DMD: variants seen among roughly 807,000 people sequenced by gnomAD.
The protein encoded by DMD is dystrophin.
In DMD, 63 loss-of-function variants were observed where a neutral mutation model predicts 330.1. That is an observed-to-expected ratio of 0.19 (90% CI 0.16 to 0.24). The LOEUF (loss-of-function observed/expected upper bound fraction) is 0.24. Among genes scored for constraint, DMD ranks in the 10% least tolerant of loss-of-function variants. DMD has a pLI of 1.00. For missense variants in DMD, 3,344 were observed against 2,684.1 expected, an observed-to-expected ratio of 1.25 and a Z score of -5.43; for synonymous variants, 1,223 against 959.8, an observed-to-expected ratio of 1.27 and a Z score of -5.07.
At chrX:31,784,577 T>C (rs974660540) in intron 50 of DMD, among the ~76,000 whole-genome samples, 1 of 112,230 alleles carries the variant, frequency 8.9e-6, no homozygotes, top group Non-Finnish European at 1.9e-5. Flanking sequence ...TTGTAATTTT[T>C]GGACTTTACA....
intron 1 of DMD, among the ~76,000 whole-genome samples, chrX:33,111,493 TA>T (rs2095338987): frequency 8.9e-6 from 1 of 112,513 alleles, no homozygotes; most frequent in Non-Finnish European, 1.9e-5. Flanking sequence ...TTCAGTGTTT[TA>T]TTTTTAGCAT....
At position 32,693,971 on chromosome X, in the gene DMD, A is replaced by G. The variant is rs555874693; in HGVS notation, c.960+3899T>C. ...TAGTAATTCCACTGTAGTAACTGCT[A>G]TATATTAGGATTTCCCAGACATCGT... On this transcript the variant is annotated intron_variant, in intron 9 of 78. Transcript: ENST00000357033. Among the ~76,000 whole-genome samples the G allele has an allele frequency of 1.5e-4, 17 of 112,045 alleles. 1 individual carries two copies. In the South Asian group the frequency reaches 6.4e-3, roughly 42 times the overall value.
At chrX:32,550,440 T>C (rs1172323843) in intron 16 of DMD, among the ~76,000 whole-genome samples, 2 of 111,127 alleles carry the variant, frequency 1.8e-5, no homozygotes, top group Non-Finnish European at 3.8e-5. Context: ...TTGAAACTAA[T>C]GAAAATTTAA....
chrX:31,346,606 A>G (rs2058086456), intron 61 of DMD, among the ~76,000 whole-genome samples: 1 of 111,535 alleles, frequency 9.0e-6, no homozygotes, highest in African/African-American at 3.3e-5. Context: ...ATTTTCTAAT[A>G]CTTAAACTTT....
intron 9 of DMD, among the ~76,000 whole-genome samples, chrX:32,658,370 G>C (rs764248676): frequency 2.7e-5 from 3 of 111,129 alleles, no homozygotes; most frequent in Admixed American, 9.7e-5. Flanking sequence ...TAAAGGGCTA[G>C]ATAATAGGTA....
intron 44 of DMD, among the ~76,000 whole-genome samples, chrX:32,197,320 C>A (rs2097010691): frequency 9.0e-6 from 1 of 111,307 alleles, no homozygotes; most frequent in African/African-American, 3.3e-5. Context: ...TACAAACAAT[C>A]CAATCACACT....
chrX:32,127,062 A>G (rs2096665040), intron 44 of DMD, among the ~76,000 whole-genome samples: 1 of 111,553 alleles, frequency 9.0e-6, no homozygotes, highest in African/African-American at 3.3e-5. Flanking sequence ...ACAGTGAGAA[A>G]TACAGAACTC....
chrX:31,185,134 T>A (rs1425407038), intron 67 of DMD, among the ~76,000 whole-genome samples: 1 of 110,805 alleles, frequency 9.0e-6, no homozygotes, highest in Non-Finnish European at 1.9e-5. Context: ...ATAAAAAAAA[T>A]AAAGATAATC....
intron 7 of DMD, among the ~76,000 whole-genome samples, chrX:32,772,416 G>T (rs1170329531): frequency 1.8e-5 from 2 of 112,381 alleles, no homozygotes; most frequent in Non-Finnish European, 1.9e-5. Context: ...ATCAGCAATA[G>T]CATGAGTTAC....
intron 1 of DMD, among the ~76,000 whole-genome samples, chrX:33,189,620 A>G (rs1161896096): frequency 2.7e-5 from 3 of 110,608 alleles, no homozygotes; most frequent in East Asian, 5.7e-4. Flanking sequence ...ACAACACGAA[A>G]GCATGGTAGT....
intron 7 of DMD, among the ~76,000 whole-genome samples, chrX:32,739,368 G>A (rs149321316): frequency 0.083 from 9,242 of 111,165 alleles, 357 homozygotes; most frequent in Admixed American, 0.18. Flanking sequence ...AAGTGTTTTA[G>A]TATTCATTTT....
At chrX:32,514,391 T>A (rs762145675) in intron 18 of DMD, among the ~76,000 whole-genome samples, 1 of 111,899 alleles carries the variant, frequency 8.9e-6, no homozygotes, top group African/African-American at 3.2e-5. Context: ...AGAAACTAAG[T>A]TGAAAATATA....
chrX:32,476,902 C>T (rs1455920999), intron 21 of DMD, among the ~76,000 whole-genome samples: 2 of 110,624 alleles, frequency 1.8e-5, no homozygotes, highest in African/African-American at 6.6e-5. Context: ...ATTAATAATC[C>T]AACAGATAAG....
rs111326869 is a variant in DMD at position 32,449,583 on chromosome X, G to GT, written c.3604-946dup. Among the ~76,000 whole-genome samples, 759 of 95,703 alleles carry GT rather than the reference G, an allele frequency of 7.9e-3. 8 individuals carry two copies. Among genetic ancestry groups the GT allele is most frequent in the South Asian group, 0.045 (94 of 2,104 alleles). 83.1% of individuals were successfully genotyped at this position (95,703 alleles called of 115,157 possible). On this transcript the variant is annotated intron_variant, in intron 26 of 78. Transcript: ENST00000357033. Reference sequence around the variant, plus strand: ...CTAACACAAGCACAAATCCTACAATGTTTTTTTTTTTTTTCATCCACACGC... The same window carrying GT: ...CTAACACAAGCACAAATCCTACAATGTTTTTTTTTTTTTTTCATCCACACGC...
chrX:32,257,416 A>G (rs2097303767), intron 43 of DMD, among the ~76,000 whole-genome samples: 1 of 111,772 alleles, frequency 8.9e-6, no homozygotes, highest in Non-Finnish European at 1.9e-5. Context: ...ACTTCAAACT[A>G]TACTACAAGG....
chrX:32,679,901 A>ATTTTTTT (rs1569447513), intron 9 of DMD, among the ~76,000 whole-genome samples: 17 of 30,951 alleles, frequency 5.5e-4, no homozygotes, highest in African/African-American at 2.2e-3. Context: ...TAATATTTGT[A>ATTTTTTT]CTTTTTTTTT....
At chrX:31,542,948 A>G (rs1603347668) in intron 55 of DMD, among the ~76,000 whole-genome samples, 1 of 111,604 alleles carries the variant, frequency 9.0e-6, no homozygotes, top group South Asian at 3.8e-4. Context: ...GCTAGACTTC[A>G]TTTTCCAGCC....
At chrX:32,670,026 G>A (rs1298728641) in intron 9 of DMD, among the ~76,000 whole-genome samples, 4 of 111,594 alleles carry the variant, frequency 3.6e-5, no homozygotes, top group African/African-American at 6.5e-5. Context: ...ATATTTCTAT[G>A]GGATGATCTC....
intron 51 of DMD, among the ~76,000 whole-genome samples, chrX:31,735,982 T>C (rs1569317628): frequency 9.0e-6 from 1 of 111,667 alleles, no homozygotes; most frequent in Non-Finnish European, 1.9e-5. Flanking sequence ...TGCTCTACTG[T>C]TGCCATCTTG....
Sources: allele counts gnomAD v4.1 joint callset (sites outside exome capture counted in the v4.1 genomes callset), GRCh38; gene constraint gnomAD v4.1.1; transcripts MANE v1.5; gene names NCBI Gene and HGNC (gene_info 2026-07-23, HGNC 2026-07-21).